The following CDADC1 variants were observed in gnomAD, a reference collection of about 807,000 sequenced individuals.
CDADC1 encodes dCTP deaminase.
A neutral mutation model predicts 54.9 loss-of-function variants in CDADC1; 39 were observed. The observed-to-expected ratio is 0.71, with a 90% CI of 0.55 to 0.93. The LOEUF is 0.93. Ranked by LOEUF, CDADC1 falls within the 40% of genes least tolerant of loss-of-function variation. The probability of loss-of-function intolerance (pLI) is 0.00; values close to 1 mark genes in which losing one functional copy is unlikely to be tolerated. For synonymous variants in CDADC1, 186 were observed against 204.0 expected, an observed-to-expected ratio of 0.91 and a Z score of 0.75; for missense variants, 518 against 618.8, an observed-to-expected ratio of 0.84 and a Z score of 1.73.
At chr13:49,259,734 C>T in intron 4 of CDADC1, among the ~76,000 whole-genome samples, 1 of 151,960 alleles carries the variant, frequency 6.6e-6, no homozygotes, top group Admixed American at 6.6e-5. Context: ...GTAGTCCCCA[C>T]TACTTGAGAT....
intron 7 of CDADC1, among the ~76,000 whole-genome samples, chr13:49,279,615 G>A (rs1414650624): frequency 6.6e-6 from 1 of 152,202 alleles, no homozygotes; most frequent in African/African-American, 2.4e-5. Flanking sequence ...CATTGACAGA[G>A]CCATACGCTA....
At chr13:49,262,874 G>A (rs1361607632) in intron 4 of CDADC1, among the ~76,000 whole-genome samples, 4 of 152,030 alleles carry the variant, frequency 2.6e-5, no homozygotes, top group African/African-American at 7.3e-5. Context: ...CCTGGTAGTC[G>A]TCATACTCTT....
chr13:49,269,187 AG>A (rs1446926446), intron 5 of CDADC1, among the ~76,000 whole-genome samples: 1 of 152,224 alleles, frequency 6.6e-6, no homozygotes, highest in African/African-American at 2.4e-5. Flanking sequence ...GCTGGTCTGC[AG>A]TAGTCAACAG....
At chr13:49,272,211 T>A (rs1346926143) in intron 5 of CDADC1, among the ~76,000 whole-genome samples, 1 of 152,254 alleles carries the variant, frequency 6.6e-6, no homozygotes, top group Admixed American at 6.5e-5. Context: ...TCTGGTTTTT[T>A]ATTTTTTCAT....
chr13:49,266,056 A>G, intron 4 of CDADC1: 2 of 622,364 alleles, frequency 3.2e-6, no homozygotes, highest in Non-Finnish European at 4.8e-6. Flanking sequence ...AGTCAGGAGT[A>G]CCAGGGAGTG....
rs764549497 is a variant in CDADC1, at chr13:49,280,514, A to G, written c.1226A>G (p.Gln409Arg). ...AEQNALTFRC[Q>R]EIKPEERSMI... ...TTTTATAATTTTTTTTGTAGGTGTC[A>G]AGAAATAAAACCAGAAGAAAGAAGC... The change falls in exon 8 of 10, where the codon CAA (glutamine) becomes CGA (arginine). Residue 409 changes from glutamine (Q) to arginine (R), a missense_variant. Physicochemically the swap from Gln to Arg is conservative, Grantham distance 43 (BLOSUM62 1). Transcript: ENST00000251108. 2.8e-6 allele frequency: 4 copies of G among 1,405,346 alleles called. No individual in the cohort carries two copies. In the East Asian group the frequency reaches 1.0e-4, roughly 37 times the overall value. 87.1% of individuals were successfully genotyped at this position (1,405,346 alleles called of 1,614,324 possible).
intron 2 of CDADC1, among the ~76,000 whole-genome samples, chr13:49,253,506 G>A (rs910927237): frequency 7.2e-5 from 11 of 152,148 alleles, no homozygotes; most frequent in Non-Finnish European, 1.3e-4. Flanking sequence ...CTCTGGCTCC[G>A]CCTCTTACTA....
At chr13:49,286,379 G>C in intron 9 of CDADC1, 97 bp downstream of exon 9, 1 of 862,878 alleles carries the variant, frequency 1.2e-6, no homozygotes, top group Non-Finnish European at 1.9e-6. Context: ...TTAATAGATG[G>C]AGCATATTAT....
chr13:49,272,896 G>A (rs758836114), intron 5 of CDADC1, among the ~76,000 whole-genome samples: 6 of 151,974 alleles, frequency 3.9e-5, no homozygotes, highest in African/African-American at 1.5e-4. Flanking sequence ...TTTATGTCAC[G>A]GTGCAAGGTG....
intron 9 of CDADC1, among the ~76,000 whole-genome samples, chr13:49,289,363 G>C (rs1953630467): frequency 1.3e-5 from 2 of 151,954 alleles, no homozygotes; most frequent in East Asian, 3.9e-4. Flanking sequence ...CTGGACCTCA[G>C]GTGATCTGCC....
chr13:49,280,473 A>T (rs749269945), intron 7 of CDADC1, 36 bp from the exon 8 acceptor site: 1 of 1,178,794 alleles, frequency 8.5e-7, no homozygotes, highest in African/African-American at 1.6e-5. Context: ...CCCTTTCAGA[A>T]ACGACCTTTC....
At chr13:49,277,322 T>C (rs1172736009) in intron 6 of CDADC1, among the ~76,000 whole-genome samples, 1 of 151,454 alleles carries the variant, frequency 6.6e-6, no homozygotes, top group East Asian at 1.9e-4. Context: ...AAAGAAAAAA[T>C]TAGCCAGGCA....
intron 2 of CDADC1, among the ~76,000 whole-genome samples, chr13:49,254,614 G>T (rs555931975): frequency 6.6e-6 from 1 of 152,170 alleles, no homozygotes; most frequent in Admixed American, 6.5e-5. Context: ...TGTTGGCCAG[G>T]CTGGTCTCGA....
Position 49,292,031 on chromosome 13 carries a change from A to C in CDADC1, c.*274A>C, listed in dbSNP as rs1344258719. Reference sequence around the variant, plus strand: ...CCAATGTAATCACCAACAGGGACTGATTTCTATTTATCTTGACTTTATATT... The same window carrying C: ...CCAATGTAATCACCAACAGGGACTGCTTTCTATTTATCTTGACTTTATATT... On this transcript the variant is annotated 3_prime_UTR_variant, in exon 10 of 10. Coordinates refer to ENST00000251108, the MANE Select transcript of CDADC1 (RefSeq NM_030911.4). 3 of 1,156,260 alleles carry C rather than the reference A, an allele frequency of 2.6e-6. No homozygotes were observed. Among genetic ancestry groups the C allele is most frequent in the African/African-American group, 3.2e-5 (2 of 62,702 alleles). The allele number at this position is 1,156,260 out of a possible 1,614,324, so 71.6% of individuals were successfully genotyped here. A position where few individuals can be genotyped will look rare whatever the true frequency, so the allele number is the denominator to read the frequency against.
intron 5 of CDADC1, among the ~76,000 whole-genome samples, chr13:49,272,376 A>G (rs1328637237): frequency 6.6e-6 from 1 of 152,212 alleles, no homozygotes; most frequent in Non-Finnish European, 1.5e-5. Context: ...CTAAAGGTCT[A>G]GGAAGGAACC....
intron 8 of CDADC1, among the ~76,000 whole-genome samples, chr13:49,282,510 A>G (rs182921694): frequency 6.6e-6 from 1 of 152,344 alleles, no homozygotes; most frequent in East Asian, 1.9e-4. Context: ...AGTTGTTGAC[A>G]TGATACCAGC....
intron 6 of CDADC1, among the ~76,000 whole-genome samples, chr13:49,275,242 C>T (rs369171754): frequency 1.3e-5 from 2 of 151,938 alleles, no homozygotes; most frequent in African/African-American, 4.8e-5. Context: ...TGTACCACCA[C>T]ACCTGGCTCA....
chr13:49,291,855 A>AT lies in CDADC1; in HGVS notation c.*99dup. 1 of 1,485,766 alleles carries AT rather than the reference A, an allele frequency of 6.7e-7. No individual in the cohort carries two copies. Among genetic ancestry groups the AT allele is most frequent in the Non-Finnish European group, 9.0e-7 (1 of 1,116,478 alleles). The allele number at this position is 1,485,766 out of a possible 1,614,324, so 92.0% of individuals were successfully genotyped here. On this transcript the variant is annotated 3_prime_UTR_variant, in exon 10 of 10. Transcript: ENST00000251108. ...CAGAAAATAAGGATGGATTTTGTGA[A>AT]TAATTGAAAAGATTTTTTAAGGAAG...
intron 8 of CDADC1, 63 bp downstream of exon 8, chr13:49,280,761 A>G: frequency 1.2e-6 from 1 of 817,922 alleles, no homozygotes; most frequent in Non-Finnish European, 1.7e-6. Context: ...CCCTGCTGCA[A>G]TATTGTAAGT....
Sources: gnomAD v4.1 joint callset for allele counts (sites outside exome capture counted in the v4.1 genomes callset) on GRCh38, gnomAD v4.1.1 for gene constraint, MANE v1.5 for transcripts, NCBI Gene and HGNC (gene_info 2026-07-23, HGNC 2026-07-21) for gene names.